USHBP1: variants seen among roughly 807,000 people sequenced by gnomAD.
The protein encoded by USHBP1 is USH1 protein network component harmonin binding protein 1, also known as harmonin-binding protein USHBP1.
In USHBP1, 67 loss-of-function variants were observed where a neutral mutation model predicts 76.2. That is an observed-to-expected ratio of 0.88 (90% CI 0.72 to 1.08). USHBP1 has a LOEUF of 1.08. Among genes scored for constraint, USHBP1 ranks in the 50% least tolerant of loss-of-function variants. The pLI, the probability that USHBP1 is intolerant of heterozygous loss-of-function variation, is 0.00. For synonymous variants in USHBP1, 322 were observed against 362.2 expected, an observed-to-expected ratio of 0.89 and a Z score of 1.26; for missense variants, 931 against 915.0, an observed-to-expected ratio of 1.02 and a Z score of -0.23.
intron 3 of USHBP1, 89 bp from the exon 4 acceptor site, chr19:17,263,079 C>A: frequency 7.1e-6 from 10 of 1,407,434 alleles, no homozygotes; most frequent in Non-Finnish European, 7.5e-6. Flanking sequence ...ACTCTGTTGC[C>A]CAGCCTGGAG....
intron 4 of USHBP1, 54 bp from the exon 5 acceptor site, chr19:17,260,076 C>G (rs1479194418): frequency 2.5e-6 from 4 of 1,574,006 alleles, no homozygotes; most frequent in African/African-American, 1.4e-5. Context: ...ACCACCAGCC[C>G]TCTCTCCCCA....
chr19:17,252,127 G>T, intron 10 of USHBP1, 110 bp from the exon 11 acceptor site: 1 of 984,062 alleles, frequency 1.0e-6, no homozygotes, highest in Non-Finnish European at 1.5e-6. Context: ...TGCTCTCAGA[G>T]ACCCACATCT....
intron 7 of USHBP1, 197 bp from the exon 8 acceptor site, chr19:17,258,582 A>G: frequency 3.7e-6 from 2 of 540,372 alleles, no homozygotes; most frequent in Non-Finnish European, 6.4e-6. Context: ...GGTGGTACGC[A>G]CCTGTAGTTC....
Position 17,264,283 on chromosome 19 carries a change from G to A in USHBP1, c.17C>T (p.Thr6Met), listed in dbSNP as rs368129486. Residue 6 changes from threonine to methionine, a missense_variant, in exon 2 of 13, where the codon ACG (threonine) becomes ATG (methionine). By Grantham distance (81) the Thr-to-Met change is moderately conservative. Coordinates refer to ENST00000252597, the MANE Select transcript of USHBP1 (RefSeq NM_031941.4). Reference sequence around the variant, plus strand: ...CCTCCCTCGCCGGCTTCGGGGCCGCGTGGCCCGGGCACTCATTGCTGTCCA... The same window carrying A: ...CCTCCCTCGCCGGCTTCGGGGCCGCATGGCCCGGGCACTCATTGCTGTCCA... Reference protein sequence around the residue: MSARATRPRSRRGRHA... With the variant: MSARAMRPRSRRGRHA... 13 of 1,613,016 alleles carry A rather than the reference G, an allele frequency of 8.1e-6. No homozygotes were observed. Among genetic ancestry groups the A allele is most frequent in the South Asian group, 1.1e-5 (1 of 90,914 alleles).
intron 4 of USHBP1, 137 bp downstream of exon 4, chr19:17,262,415 T>A: frequency 9.9e-7 from 1 of 1,012,750 alleles, no homozygotes; most frequent in Non-Finnish European, 1.4e-6. Flanking sequence ...CCCAAAGTGC[T>A]GGGATTATAG....
At chr19:17,252,145 T>G in intron 10 of USHBP1, 128 bp from the exon 11 acceptor site, 1 of 819,098 alleles carries the variant, frequency 1.2e-6, no homozygotes, top group African/African-American at 1.7e-5. Context: ...TCTGGTTCGA[T>G]ATACCAATAA....
In USHBP1 at chr19:17,250,161, C is replaced by G. The variant is rs1460713645; in HGVS notation, c.*64G>C. ...AATCATGCAACATGACATGATGTCA[C>G]TCCAGGACAGTTTATGACATGCCAC... On this transcript the variant is annotated 3_prime_UTR_variant, in exon 13 of 13. Transcript: ENST00000252597. 16 of 1,528,218 alleles carry G rather than the reference C, an allele frequency of 1.0e-5. No individual in the cohort carries two copies. The highest frequency in any genetic ancestry group is 1.4e-5 in the Non-Finnish European group (16 of 1,133,928). The allele number at this position is 1,528,218 out of a possible 1,614,324, so 94.7% of individuals were successfully genotyped here.
rs754402944 is a variant in USHBP1, at chr19:17,256,472, C to T, written c.1469G>A (p.Arg490Lys). 5 of 1,613,324 alleles carry T rather than the reference C, an allele frequency of 3.1e-6. No individual in the cohort carries two copies. The highest frequency in any genetic ancestry group is 4.2e-6 in the Non-Finnish European group (5 of 1,180,004). ...ACAGTGGCCACAGCCCATTTGTACC[C>T]TTGCGGCCACCAGGTCCTGCTGAAT... ...TQIQQDLVAAREALADLMLRL... is the reference protein window; with the variant it reads ...TQIQQDLVAAKEALADLMLRL... The change falls in exon 9 of 13, where the codon AGG (arginine) becomes AAG (lysine). Residue 490 changes from arginine (R) to lysine (K), a missense_variant and splice_region_variant. Physicochemically the swap from Arg to Lys is conservative, Grantham distance 26. Transcript: ENST00000252597.
At chr19:17,260,049 C>T (rs1019990004) in intron 4 of USHBP1, 27 bp from the exon 5 acceptor site, 1 of 1,601,006 alleles carries the variant, frequency 6.2e-7, no homozygotes, top group Non-Finnish European at 8.5e-7. Flanking sequence ...GGACGTCAGG[C>T]CTAGGGGCTC....
Position 17,258,300 on chromosome 19 carries a change from G to A in USHBP1, c.1132C>T (p.Leu378=), listed in dbSNP as rs559380407. The change falls in exon 8 of 13, where the codon CTG becomes TTG. Residue 378 remains leucine (L), a synonymous_variant. Coordinates refer to ENST00000252597, the MANE Select transcript of USHBP1 (RefSeq NM_031941.4). ...CATGCTTCCTTTTCAGCTGCTTGCA[G>A]GTCACTCATGGGGGCTTCGTCTCCT... ...GAGDEAPMSD[L]QAAEKEAWRL... is the part of the protein sequence containing the mutation. 3 of 1,614,120 alleles carry A rather than the reference G, an allele frequency of 1.9e-6. No homozygotes were observed. The highest frequency in any genetic ancestry group is 2.7e-5 in the African/African-American group (2 of 75,038).
At chr19:17,254,251 G>T (rs1232081073) in intron 10 of USHBP1, among the ~76,000 whole-genome samples, 1 of 151,836 alleles carries the variant, frequency 6.6e-6, no homozygotes, top group South Asian at 2.1e-4. Flanking sequence ...GCAGGCGGAG[G>T]CAGGAGAATG....
intron 10 of USHBP1, 88 bp from the exon 11 acceptor site, chr19:17,252,105 T>A: frequency 2.5e-6 from 3 of 1,196,158 alleles, no homozygotes; most frequent in South Asian, 1.3e-5. Context: ...GCCCAGACAG[T>A]GGCAGCTGCT....
In USHBP1 at chr19:17,250,014, A is replaced by G. The variant is rs1024576330; in HGVS notation, c.*211T>C. ...CTGACCCCACTGATATGAAGTTCAC[A>G]TTCCACTTGGTGCCAGGCCAAAGAC... On this transcript the variant is annotated 3_prime_UTR_variant, in exon 13 of 13. Coordinates refer to ENST00000252597, the MANE Select transcript of USHBP1 (RefSeq NM_031941.4). 4.1e-5 allele frequency: 24 copies of G among 592,524 alleles called. No individual in the cohort carries two copies. The highest frequency in any genetic ancestry group is 6.1e-5 in the Non-Finnish European group (21 of 343,456). The allele number at this position is 592,524 out of a possible 1,614,324, so 36.7% of individuals were successfully genotyped here.
intron 3 of USHBP1, chr19:17,263,200 G>A (rs1599480396): frequency 9.2e-6 from 4 of 434,384 alleles, no homozygotes; most frequent in African/African-American, 6.0e-5. Context: ...ACCACGCCTG[G>A]CTAATTTTTG....
Position 17,264,165 on chromosome 19 carries a change from CG to C in USHBP1, c.55-16del. The C allele has an allele frequency of 6.2e-7, 1 of 1,612,170 alleles. No individual in the cohort carries two copies. Among genetic ancestry groups the C allele is most frequent in the Non-Finnish European group, 8.5e-7 (1 of 1,178,874 alleles). ...TCCAGTTCACCCTGCAAATGACCCC[CG>C]GGGCCCTGCTCTGAGCCAGGCAGGA... On this transcript the variant is annotated splice_polypyrimidine_tract_variant and intron_variant, in intron 2 of 12. Transcript: ENST00000252597.
At chr19:17,263,876 A>G (rs1018348881) in intron 3 of USHBP1, 126 bp downstream of exon 3, 32 of 1,302,254 alleles carry the variant, frequency 2.5e-5, no homozygotes, top group Admixed American at 3.1e-5. Flanking sequence ...AAAAAAAAAG[A>G]AAGTCAGGCT....
chr19:17,253,325 G>GCTCTT (rs764277849), intron 10 of USHBP1, among the ~76,000 whole-genome samples: 1 of 16,910 alleles, frequency 5.9e-5, no homozygotes, highest in Non-Finnish European at 9.3e-5. Context: ...ACGGAGTCTC[G>GCTCTT]TCGCCCAGGC....
Position 17,250,528 on chromosome 19 carries a change from C to T in USHBP1, c.1923-114G>A, listed in dbSNP as rs1011754944. 27 of 1,224,570 alleles carry T rather than the reference C, an allele frequency of 2.2e-5. No homozygotes were observed. In the African/African-American group the frequency reaches 3.4e-4, roughly 15 times the overall value. The allele number at this position is 1,224,570 out of a possible 1,614,324, so 75.9% of individuals were successfully genotyped here. A position where few individuals can be genotyped will look rare whatever the true frequency, so the allele number is the denominator to read the frequency against. On this transcript the variant is annotated intron_variant, in intron 12 of 12. Transcript: ENST00000252597. The stretch of plus-strand genomic sequence containing the variant: ...CTTTCACATTGGGTCTCCAAGGGTC[C>T]CAGCTAGCTGGTCTTTTGTTGTTGT...
At chr19:17,261,477 A>G (rs1288431406) in intron 4 of USHBP1, among the ~76,000 whole-genome samples, 3 of 149,816 alleles carry the variant, frequency 2.0e-5, no homozygotes, top group Non-Finnish European at 3.0e-5. Context: ...CTGGGACTAC[A>G]GGCACCCGCC....
Sources: allele counts gnomAD v4.1 joint callset (sites outside exome capture counted in the v4.1 genomes callset), GRCh38; gene constraint gnomAD v4.1.1; transcripts MANE v1.5; gene names NCBI Gene and HGNC (gene_info 2026-07-23, HGNC 2026-07-21).